KCNMB2: variants seen among roughly 807,000 people sequenced by gnomAD.
KCNMB2 encodes the protein calcium-activated potassium channel subunit beta-2.
Under a neutral mutation model 24.5 loss-of-function variants are expected in KCNMB2, and 9 were observed. The ratio of observed to expected loss-of-function variants is 0.37; its 90% CI spans 0.22 to 0.64. The LOEUF (loss-of-function observed/expected upper bound fraction) is 0.64, where lower values mean the gene tolerates loss of function less well. Ranked by LOEUF, KCNMB2 falls within the 30% of genes least tolerant of loss-of-function variation. The probability of loss-of-function intolerance (pLI) is 0.63; values close to 1 mark genes in which losing one functional copy is unlikely to be tolerated. For missense variants in KCNMB2, 226 were observed against 284.3 expected (o/e 0.79, Z 1.47); for synonymous variants, 109 against 104.4 (o/e 1.04, Z -0.27).
chr3:178,632,106 G>A lies in KCNMB2; in HGVS notation c.-68+95395G>A, dbSNP rs144445695. Among the ~76,000 whole-genome samples the A allele has an allele frequency of 5.9e-3, 899 of 152,258 alleles. 10 individuals are homozygous for A. Among genetic ancestry groups the A allele is most frequent in the African/African-American group, 0.021 (856 of 41,534 alleles). On this transcript the variant is annotated intron_variant, in intron 1 of 4. Coordinates refer to ENST00000452583, the MANE Select transcript of KCNMB2 (RefSeq NM_181361.3). ...TATCCTGATGCTTTTGTTTCCTTTG[G>A]AAACAGGATTAGTACAATGCCTCAG... is the stretch of plus-strand genomic sequence containing the variant.
chr3:178,653,322 T>C (rs1720199188), intron 1 of KCNMB2, among the ~76,000 whole-genome samples: 1 of 152,172 alleles, frequency 6.6e-6, no homozygotes, highest in Non-Finnish European at 1.5e-5. Flanking sequence ...TTAGTTTTTA[T>C]AGTTTATTCA....
intron 1 of KCNMB2, among the ~76,000 whole-genome samples, chr3:178,593,010 T>C (rs1427787478): frequency 6.6e-6 from 1 of 152,082 alleles, no homozygotes; most frequent in Non-Finnish European, 1.5e-5. Context: ...AATTTCTTTT[T>C]TTAAAAAATA....
At chr3:178,737,686 A>C (rs1368741218) in intron 1 of KCNMB2, among the ~76,000 whole-genome samples, 2 of 152,228 alleles carry the variant, frequency 1.3e-5, no homozygotes, top group Non-Finnish European at 2.9e-5. Flanking sequence ...GCTGGAAACA[A>C]AGAATGTATA....
chr3:178,622,491 G>T (rs1292174028), intron 1 of KCNMB2, among the ~76,000 whole-genome samples: 1 of 152,148 alleles, frequency 6.6e-6, no homozygotes, highest in Non-Finnish European at 1.5e-5. Flanking sequence ...GTTTGCTCAA[G>T]GTCATATAGT....
intron 1 of KCNMB2, among the ~76,000 whole-genome samples, chr3:178,607,101 C>A (rs1718299547): frequency 6.6e-6 from 1 of 152,114 alleles, no homozygotes; most frequent in Non-Finnish European, 1.5e-5. Context: ...GGACCAGGTC[C>A]AAGGTCAGAT....
At chr3:178,769,352 C>T (rs956778479) in intron 1 of KCNMB2, among the ~76,000 whole-genome samples, 1 of 152,118 alleles carries the variant, frequency 6.6e-6, no homozygotes, top group Non-Finnish European at 1.5e-5. Context: ...AGTTCTTGCA[C>T]CAGGACAGGG....
intron 1 of KCNMB2, among the ~76,000 whole-genome samples, chr3:178,674,972 A>G (rs1242418506): frequency 6.6e-6 from 1 of 152,128 alleles, no homozygotes; most frequent in Non-Finnish European, 1.5e-5. Flanking sequence ...TCTGACCATA[A>G]AATTATAATT....
At chr3:178,564,174 A>G (rs1222360110) in intron 1 of KCNMB2, among the ~76,000 whole-genome samples, 1 of 151,992 alleles carries the variant, frequency 6.6e-6, no homozygotes, top group Admixed American at 6.6e-5. Flanking sequence ...GCTACTCAAG[A>G]GGCTGAGGCA....
chr3:178,595,057 T>G (rs1197697523), intron 1 of KCNMB2, among the ~76,000 whole-genome samples: 2 of 26,288 alleles, frequency 7.6e-5, no homozygotes, highest in Non-Finnish European at 1.3e-4. Context: ...ATACAGTATT[T>G]GCAAAAAAAA....
Position 178,745,187 on chromosome 3 carries a change from G to A in KCNMB2, c.-67-62156G>A, listed in dbSNP as rs145332703. ...ATGCTGCTGATAAAGACATACCCAAGACGGGGCAATTTACAAAAGAAAGAG... is the reference window on the plus strand; with the variant it reads ...ATGCTGCTGATAAAGACATACCCAAAACGGGGCAATTTACAAAAGAAAGAG... On this transcript the variant is annotated intron_variant, in intron 1 of 4. Coordinates refer to ENST00000452583, the MANE Select transcript of KCNMB2 (RefSeq NM_181361.3). Among the ~76,000 whole-genome samples, 276 of 152,250 alleles carry A rather than the reference G, an allele frequency of 1.8e-3. 3 individuals carry two copies. The highest frequency in any genetic ancestry group is 6.3e-3 in the African/African-American group (261 of 41,550).
chr3:178,672,615 G>A (rs550839981), intron 1 of KCNMB2, among the ~76,000 whole-genome samples: 1 of 152,332 alleles, frequency 6.6e-6, no homozygotes, highest in Non-Finnish European at 1.5e-5. Context: ...ACATTCACAA[G>A]GGTCTATGCT....
At position 178,592,537 on chromosome 3, in the gene KCNMB2, T is replaced by C. The variant is rs886523206; in HGVS notation, c.-68+55826T>C. Among the ~76,000 whole-genome samples, 4 of 152,122 alleles carry C rather than the reference T, an allele frequency of 2.6e-5. 1 individual carries two copies. The highest frequency in any genetic ancestry group is 9.7e-5 in the African/African-American group (4 of 41,416). ...ATAATTGTATTTGCAATTATTATGC[T>C]ATGTTGGACAGCCACAAAGGCTCTA... On this transcript the variant is annotated intron_variant, in intron 1 of 4. Transcript: ENST00000452583.
intron 4 of KCNMB2, among the ~76,000 whole-genome samples, chr3:178,833,638 G>C (rs779024213): frequency 8.5e-5 from 13 of 152,158 alleles, no homozygotes; most frequent in Non-Finnish European, 1.6e-4. Flanking sequence ...GGGCATGGTT[G>C]TATTGAGATA....
At chr3:178,576,797 A>T (rs1202770473) in intron 1 of KCNMB2, among the ~76,000 whole-genome samples, 2 of 152,162 alleles carry the variant, frequency 1.3e-5, no homozygotes, top group Non-Finnish European at 2.9e-5. Context: ...GTCTAGATTC[A>T]TCCTCCCTGG....
chr3:178,627,246 G>A (rs1330957765), intron 1 of KCNMB2, among the ~76,000 whole-genome samples: 3 of 152,044 alleles, frequency 2.0e-5, no homozygotes, highest in South Asian at 2.1e-4. Context: ...TTGGTTATCT[G>A]GTAATATTTT....
intron 1 of KCNMB2, among the ~76,000 whole-genome samples, chr3:178,682,262 T>C (rs899280265): frequency 1.3e-5 from 2 of 152,158 alleles, no homozygotes; most frequent in African/African-American, 4.8e-5. Flanking sequence ...CATACCAAGG[T>C]TGTTGTGGAG....
intron 1 of KCNMB2, among the ~76,000 whole-genome samples, chr3:178,804,019 C>T (rs1713870286): frequency 6.6e-6 from 1 of 152,190 alleles, no homozygotes; most frequent in Admixed American, 6.5e-5. Flanking sequence ...CAGGTTCACT[C>T]CAGTTCCTAG....
chr3:178,833,398 G>T (rs893567637), intron 4 of KCNMB2, among the ~76,000 whole-genome samples: 2 of 152,138 alleles, frequency 1.3e-5, no homozygotes, highest in African/African-American at 4.8e-5. Context: ...CTGGCCCAGT[G>T]ATTCTTTACT....
chr3:178,755,757 C>T (rs1212146505), intron 1 of KCNMB2, among the ~76,000 whole-genome samples: 1 of 152,156 alleles, frequency 6.6e-6, no homozygotes, highest in Non-Finnish European at 1.5e-5. Context: ...CTTGGCATGG[C>T]TGTATCAACT....
Sources: gnomAD v4.1 joint callset for allele counts (sites outside exome capture counted in the v4.1 genomes callset) on GRCh38, gnomAD v4.1.1 for gene constraint, MANE v1.5 for transcripts, NCBI Gene and HGNC (gene_info 2026-07-23, HGNC 2026-07-21) for gene names.